PCDHA8: variants seen among roughly 807,000 people sequenced by gnomAD.
PCDHA8 encodes protocadherin alpha-8.
PCDHA8 carries 53 observed loss-of-function variants against 61.8 expected under a neutral mutation model. That is an observed-to-expected ratio of 0.86 (90% confidence interval 0.69 to 1.08). The LOEUF is 1.08. PCDHA8 is among the 50% of genes least tolerant of loss of function. PCDHA8 has a pLI of 0.00. For synonymous variants in PCDHA8, 618 were observed against 556.6 expected (o/e 1.11, Z -1.55); for missense variants, 1,293 against 1,245.0 (o/e 1.04, Z -0.58).
chr5:140,886,453 A>G (rs1047264611), intron 1 of PCDHA8, among the ~76,000 whole-genome samples: 1 of 152,140 alleles, frequency 6.6e-6, no homozygotes, highest in Non-Finnish European at 1.5e-5. Flanking sequence ...TAATTTTGTC[A>G]TATATAAATG....
At chr5:140,978,672 G>C (rs2096816199) in intron 1 of PCDHA8, among the ~76,000 whole-genome samples, 1 of 152,256 alleles carries the variant, frequency 6.6e-6, no homozygotes, top group African/African-American at 2.4e-5. Context: ...TAAGAACACA[G>C]ACATGTATTG....
intron 1 of PCDHA8, among the ~76,000 whole-genome samples, chr5:140,918,885 T>G (rs2078908612): frequency 6.6e-6 from 1 of 152,202 alleles, no homozygotes; most frequent in Non-Finnish European, 1.5e-5. Context: ...TCTAGAACAG[T>G]GAAAAATAAA....
chr5:140,915,205 C>G (rs1554196797), intron 1 of PCDHA8, among the ~76,000 whole-genome samples: 1 of 152,076 alleles, frequency 6.6e-6, no homozygotes, highest in Non-Finnish European at 1.5e-5. Flanking sequence ...TCTTGGCCTC[C>G]CAAAGTGCTG....
In PCDHA8 at chr5:141,011,141, A is replaced by T. The variant is rs1039778930; in HGVS notation, c.*1204A>T. ...ACAATTATGTGCACTTTGATACACA[A>T]CCTTCTCTAACCAACTATATATCAA... is the stretch of plus-strand genomic sequence containing the variant. On this transcript the variant is annotated 3_prime_UTR_variant, in exon 4 of 4. Transcript: ENST00000531613. 2.6e-5 allele frequency: 4 copies of T among 153,668 alleles called. No homozygotes were observed. The highest frequency in any genetic ancestry group is 4.4e-5 in the Non-Finnish European group (3 of 68,036). The allele number at this position is 153,668 out of a possible 1,614,324, so 9.5% of individuals were successfully genotyped here. A position where few individuals can be genotyped will look rare whatever the true frequency, so the allele number is the denominator to read the frequency against.
At chr5:140,906,942 A>G (rs2073059599) in intron 1 of PCDHA8, among the ~76,000 whole-genome samples, 1 of 152,146 alleles carries the variant, frequency 6.6e-6, no homozygotes, top group Admixed American at 6.5e-5. Context: ...TGTCAATCTT[A>G]ATTTCCAGTT....
chr5:140,852,702 A>G, intron 1 of PCDHA8: 1 of 977,718 alleles, frequency 1.0e-6, no homozygotes, highest in Non-Finnish European at 1.2e-6. Context: ...ACTTTCAAGT[A>G]TCTTTGTCTT....
At chr5:140,862,809 G>A in intron 1 of PCDHA8, 1 of 572,722 alleles carries the variant, frequency 1.7e-6, no homozygotes, top group Non-Finnish European at 3.4e-6. Context: ...AGCTGCTGCA[G>A]TTCTAGGTGA....
rs188637090 is a variant in PCDHA8 at position 140,876,765 on chromosome 5, C to T, written c.2394+33050C>T. 1,055 of 1,614,234 alleles carry T rather than the reference C, an allele frequency of 6.5e-4. 5 individuals are homozygous for T. The African/African-American group carries it at 0.01, about 15-fold the overall frequency. ...TGGTGGTGACTGCGCGGGATGGGGG[C>T]TCGCCTTCGCTGTGGGCCACGGCTA... On this transcript the variant is annotated intron_variant, in intron 1 of 3. Transcript: ENST00000531613.
At chr5:140,888,210 T>TTG (rs1325850915) in intron 1 of PCDHA8, among the ~76,000 whole-genome samples, 2 of 152,080 alleles carry the variant, frequency 1.3e-5, no homozygotes, top group Admixed American at 1.3e-4. Context: ...ATGCTGGATT[T>TTG]TGTGTGTGTG....
intron 1 of PCDHA8, chr5:140,969,456 A>G (rs963968770): frequency 4.0e-6 from 6 of 1,508,992 alleles, no homozygotes; most frequent in Admixed American, 2.2e-5. Flanking sequence ...CTGAGTATAT[A>G]TAGTATCCAC....
At chr5:140,986,135 A>G (rs2097188048) in intron 3 of PCDHA8, among the ~76,000 whole-genome samples, 1 of 152,256 alleles carries the variant, frequency 6.6e-6, no homozygotes, top group Non-Finnish European at 1.5e-5. Flanking sequence ...GAAAGGATCA[A>G]CAAGGGCATC....
In PCDHA8 at chr5:141,011,948, A is replaced by G. The variant is rs1011232437; in HGVS notation, c.*2011A>G. ...TAGGAGTCTGTTATTTAAAAAAAGC[A>G]TTAAATTTAAAAAAAAACTGTCTTG... On this transcript the variant is annotated 3_prime_UTR_variant, in exon 4 of 4. Transcript: ENST00000531613. 3 of 153,698 alleles carry G rather than the reference A, an allele frequency of 2.0e-5. No homozygotes were observed. The highest frequency in any genetic ancestry group is 4.4e-5 in the Non-Finnish European group (3 of 68,026). The allele number at this position is 153,698 out of a possible 1,614,324, so 9.5% of individuals were successfully genotyped here.
Position 140,842,897 on chromosome 5 carries a change from G to A in PCDHA8, c.1576G>A (p.Glu526Lys). The change falls in exon 1 of 4, where the codon GAG (glutamate) becomes AAG (lysine). Residue 526 changes from glutamate to lysine, a missense_variant. Physicochemically the swap from Glu to Lys is moderately conservative, Grantham distance 56 (BLOSUM62 1). Transcript: ENST00000531613. The part of the protein sequence containing the change: ...KVYALQPLDH[E>K]ELELLQFQVS... ...GTACGCGCTGCAGCCGCTGGACCAC[G>A]AGGAGCTAGAGCTGCTGCAGTTCCA... The A allele has an allele frequency of 1.3e-6, 2 of 1,594,388 alleles. No homozygotes were observed. Among genetic ancestry groups the A allele is most frequent in the Non-Finnish European group, 1.7e-6 (2 of 1,165,484 alleles).
At chr5:140,892,624 A>C (rs1041078923) in intron 1 of PCDHA8, among the ~76,000 whole-genome samples, 28 of 152,166 alleles carry the variant, frequency 1.8e-4, no homozygotes, top group Non-Finnish European at 3.2e-4. Flanking sequence ...CAGTTGGTAC[A>C]TAATAATTGT....
chr5:140,906,075 C>A (rs2153492820), intron 1 of PCDHA8, among the ~76,000 whole-genome samples: 1 of 152,246 alleles, frequency 6.6e-6, no homozygotes, highest in African/African-American at 2.4e-5. Context: ...TAGATCGCAC[C>A]CACCCAGACT....
intron 1 of PCDHA8, chr5:140,869,579 A>T: frequency 8.1e-6 from 13 of 1,614,178 alleles, no homozygotes; most frequent in Non-Finnish European, 1.0e-5. Context: ...GGAGCTTCTG[A>T]TGCTGACATT....
chr5:140,966,917 G>T, intron 1 of PCDHA8: 1 of 1,602,580 alleles, frequency 6.2e-7, no homozygotes, highest in Non-Finnish European at 8.5e-7. Context: ...TGTGCCAGAG[G>T]AGCAGGCACC....
intron 1 of PCDHA8, among the ~76,000 whole-genome samples, chr5:140,963,510 G>A (rs536524403): frequency 1.8e-4 from 28 of 152,328 alleles, no homozygotes; most frequent in Non-Finnish European, 2.8e-4. Flanking sequence ...TCTTGAAGGG[G>A]TTCTCATAAC....
chr5:140,887,643 T>C (rs1392264032), intron 1 of PCDHA8, among the ~76,000 whole-genome samples: 2 of 152,148 alleles, frequency 1.3e-5, no homozygotes, highest in African/African-American at 4.8e-5. Flanking sequence ...TTGGGGTTTG[T>C]TGATATTCTT....
Sources: gnomAD v4.1 joint callset for allele counts (sites outside exome capture counted in the v4.1 genomes callset) on GRCh38, gnomAD v4.1.1 for gene constraint, MANE v1.5 for transcripts, NCBI Gene and HGNC (gene_info 2026-07-23, HGNC 2026-07-21) for gene names.